The following MRTFA variants were observed in gnomAD, a reference collection of about 807,000 sequenced individuals.
The protein encoded by MRTFA is myocardin related transcription factor A.
A neutral mutation model predicts 83.5 loss-of-function variants in MRTFA; 20 were observed. That is an observed-to-expected ratio of 0.24 (90% CI 0.17 to 0.35). The LOEUF (loss-of-function observed/expected upper bound fraction) is 0.35. Ranked by LOEUF, MRTFA falls within the 10% of genes least tolerant of loss-of-function variation. MRTFA has a pLI of 1.00. For missense variants in MRTFA, 1,200 were observed against 1,224.7 expected, an observed-to-expected ratio of 0.98 and a Z score of 0.30; for synonymous variants, 659 against 541.2, an observed-to-expected ratio of 1.22 and a Z score of -3.02.
At chr22:40,558,689 C>T (rs1482306966) in intron 2 of MRTFA, among the ~76,000 whole-genome samples, 2 of 151,788 alleles carry the variant, frequency 1.3e-5, no homozygotes, top group East Asian at 1.9e-4. Flanking sequence ...TTGTAAAAAA[C>T]GGCCCCCCAA....
chr22:40,510,353 TAAGGCTGATCACAAAG>T (rs2054648229), intron 3 of MRTFA, among the ~76,000 whole-genome samples: 1 of 151,944 alleles, frequency 6.6e-6, no homozygotes, highest in South Asian at 2.1e-4. Context: ...AAGGAATATA[TAAGGCTGATCACAAAG>T]AAGGCAAGCT....
rs1450944175 is a variant in MRTFA, at chr22:40,594,654, T to A, written c.-22+20A>T. On this transcript the variant is annotated intron_variant, in intron 2 of 14. Transcript: ENST00000355630. ...CATTAGGAAAGGAGGGAGGGAAGAG[T>A]AAATAAATCTGGGACCTACCTTGCT... The A allele has an allele frequency of 2.0e-5, 3 of 151,932 alleles. No individual in the cohort carries two copies. The highest frequency in any genetic ancestry group is 4.4e-5 in the Non-Finnish European group (3 of 67,978). 9.4% of individuals were successfully genotyped at this position (151,932 alleles called of 1,614,324 possible). A position where few individuals can be genotyped will look rare whatever the true frequency, so the allele number is the denominator to read the frequency against.
intron 1 of MRTFA, among the ~76,000 whole-genome samples, chr22:40,605,479 T>C (rs1453714131): frequency 6.6e-6 from 1 of 152,182 alleles, no homozygotes; most frequent in Non-Finnish European, 1.5e-5. Context: ...AGATACAGTA[T>C]GTGTGCACCT....
intron 4 of MRTFA, among the ~76,000 whole-genome samples, chr22:40,451,703 G>C (rs904133231): frequency 3.3e-5 from 5 of 152,114 alleles, no homozygotes; most frequent in Non-Finnish European, 5.9e-5. Flanking sequence ...CAAATATTTT[G>C]AATCTGACCT....
chr22:40,461,261 C>G (rs970567250), intron 4 of MRTFA, among the ~76,000 whole-genome samples: 2 of 141,412 alleles, frequency 1.4e-5, no homozygotes, highest in Admixed American at 1.4e-4. Flanking sequence ...AGGCTTCTTA[C>G]ACTTGTTATA....
At chr22:40,524,818 T>C (rs1188136646) in intron 3 of MRTFA, among the ~76,000 whole-genome samples, 2 of 152,226 alleles carry the variant, frequency 1.3e-5, no homozygotes, top group Non-Finnish European at 2.9e-5. Flanking sequence ...TGCGTGTGTA[T>C]GTTTTTGAGA....
At chr22:40,512,927 G>T (rs190623465) in intron 3 of MRTFA, among the ~76,000 whole-genome samples, 4 of 152,276 alleles carry the variant, frequency 2.6e-5, no homozygotes, top group African/African-American at 9.6e-5. Context: ...ATGAACATTT[G>T]TTAAACTATA....
At chr22:40,543,763 TATA>T (rs1270171699) in intron 3 of MRTFA, among the ~76,000 whole-genome samples, 1 of 152,220 alleles carries the variant, frequency 6.6e-6, no homozygotes, top group Admixed American at 6.5e-5. Flanking sequence ...GTATTTACAG[TATA>T]ATATTATAAA....
intron 3 of MRTFA, among the ~76,000 whole-genome samples, chr22:40,550,750 A>G (rs1186589824): frequency 1.3e-5 from 2 of 152,270 alleles, no homozygotes; most frequent in East Asian, 3.9e-4. Flanking sequence ...TCAAGTTAGT[A>G]GTTTCCTCCA....
At chr22:40,626,564 G>A (rs1240509072) in intron 1 of MRTFA, among the ~76,000 whole-genome samples, 2 of 152,154 alleles carry the variant, frequency 1.3e-5, no homozygotes, top group African/African-American at 4.8e-5. Flanking sequence ...ACAGGCGTGA[G>A]CCACCACGCC....
At chr22:40,413,990 C>T (rs570731330) in intron 14 of MRTFA, among the ~76,000 whole-genome samples, 15 of 152,276 alleles carry the variant, frequency 9.9e-5, no homozygotes, top group African/African-American at 3.4e-4. Flanking sequence ...GAATGTAAAA[C>T]GTTACAGCTG....
intron 3 of MRTFA, among the ~76,000 whole-genome samples, chr22:40,515,956 T>C (rs2054750736): frequency 6.6e-6 from 1 of 152,186 alleles, no homozygotes; most frequent in Non-Finnish European, 1.5e-5. Flanking sequence ...TTCAAACTTT[T>C]CTAAAAACAT....
At chr22:40,483,372 ATTT>A (rs550051844) in intron 3 of MRTFA, among the ~76,000 whole-genome samples, 3 of 139,476 alleles carry the variant, frequency 2.2e-5, no homozygotes, top group Admixed American at 7.2e-5. Context: ...ACCTAAAGTA[ATTT>A]TTTTTTTTTT....
intron 3 of MRTFA, among the ~76,000 whole-genome samples, chr22:40,528,913 G>A (rs868115806): frequency 6.6e-6 from 1 of 151,990 alleles, no homozygotes; most frequent in African/African-American, 2.4e-5. Context: ...ATCAGCTATC[G>A]TTAGTGTTAA....
intron 3 of MRTFA, chr22:40,523,294 AAAAAT>A (rs746220811): frequency 6.6e-6 from 1 of 152,200 alleles, no homozygotes; most frequent in Non-Finnish European, 1.5e-5. Context: ...CTTGGGAAAT[AAAAAT>A]AAAATATCTT....
chr22:40,424,049 G>A (rs1401462382), intron 8 of MRTFA, among the ~76,000 whole-genome samples, 157 bp downstream of exon 8: 1 of 152,152 alleles, frequency 6.6e-6, no homozygotes, highest in Non-Finnish European at 1.5e-5. Context: ...TCCCACCACC[G>A]GGGAGCTCAA....
chr22:40,481,093 G>A (rs2054083533), intron 3 of MRTFA, among the ~76,000 whole-genome samples: 1 of 152,116 alleles, frequency 6.6e-6, no homozygotes, highest in Non-Finnish European at 1.5e-5. Context: ...GGGCAACAGG[G>A]TGAGACCCTG....
intron 3 of MRTFA, among the ~76,000 whole-genome samples, chr22:40,536,136 A>G (rs1009870766): frequency 1.3e-5 from 2 of 151,536 alleles, no homozygotes; most frequent in African/African-American, 4.8e-5. Context: ...ACCAAAAAAA[A>G]AAAAAAGAAA....
chr22:40,622,929 T>C (rs972114992), intron 1 of MRTFA, among the ~76,000 whole-genome samples: 6 of 152,228 alleles, frequency 3.9e-5, no homozygotes, highest in African/African-American at 1.4e-4. Context: ...GGATATATCT[T>C]GAAGACAGAG....
Sources: allele counts gnomAD v4.1 joint callset (sites outside exome capture counted in the v4.1 genomes callset), GRCh38; gene constraint gnomAD v4.1.1; transcripts MANE v1.5; gene names NCBI Gene and HGNC (gene_info 2026-07-23, HGNC 2026-07-21).